The following MRTFB variants were observed in gnomAD, a reference collection of about 807,000 sequenced individuals.
MRTFB encodes the protein myocardin related transcription factor B.
Under a neutral mutation model 104.2 loss-of-function variants are expected in MRTFB, and 29 were observed. The observed-to-expected ratio is 0.28, with a 90% CI of 0.21 to 0.38. The LOEUF (loss-of-function observed/expected upper bound fraction) is 0.38. MRTFB is among the 10% of genes least tolerant of loss of function. The pLI, the probability that MRTFB is intolerant of heterozygous loss-of-function variation, is 1.00. For missense variants in MRTFB, 1,270 were observed against 1,341.6 expected (o/e 0.95, Z 0.83); for synonymous variants, 535 against 519.5 (o/e 1.03, Z -0.41).
the MRTFB span, among the ~76,000 whole-genome samples, chr16:14,048,612 A>G: frequency 1.3e-5 from 2 of 152,134 alleles, no homozygotes; most frequent in African/African-American, 4.8e-5. Flanking sequence ...TTTGGATCTT[A>G]TTCTAAGTGT....
At chr16:14,008,009 C>T in the MRTFB span, among the ~76,000 whole-genome samples, 2 of 152,122 alleles carry the variant, frequency 1.3e-5, no homozygotes, top group Non-Finnish European at 2.9e-5. Flanking sequence ...TGAAAATTTT[C>T]TCTCATTCTG....
At chr16:14,133,663 C>A (rs946565369) in intron 2 of MRTFB, among the ~76,000 whole-genome samples, 5 of 152,010 alleles carry the variant, frequency 3.3e-5, no homozygotes, top group Non-Finnish European at 7.4e-5. Context: ...AATAGGAGTA[C>A]AATATATTTT....
the MRTFB span, among the ~76,000 whole-genome samples, chr16:14,006,999 A>T: frequency 2.0e-5 from 3 of 152,128 alleles, no homozygotes; most frequent in African/African-American, 7.3e-5. Flanking sequence ...CCTGGGCAAC[A>T]GAGTGAGACC....
At chr16:14,188,916 G>A (rs899649883) in intron 3 of MRTFB, among the ~76,000 whole-genome samples, 6 of 152,082 alleles carry the variant, frequency 3.9e-5, no homozygotes, top group South Asian at 2.1e-4. Flanking sequence ...TGTTAAATTC[G>A]TTGATATAAA....
chr16:14,194,020 A>G (rs912024926), intron 3 of MRTFB, among the ~76,000 whole-genome samples: 2 of 152,212 alleles, frequency 1.3e-5, no homozygotes, highest in East Asian at 3.8e-4. Flanking sequence ...CTGTACTATC[A>G]TAACACCACT....
chr16:14,144,476 C>T (rs1026754277), intron 3 of MRTFB: 12 of 152,022 alleles, frequency 7.9e-5, no homozygotes, highest in Non-Finnish European at 1.6e-4. Flanking sequence ...TTTAAGAGAT[C>T]TATTGCAAAA....
At chr16:14,142,748 T>G (rs2038077003) in intron 3 of MRTFB, 1 of 152,174 alleles carries the variant, frequency 6.6e-6, no homozygotes, top group Non-Finnish European at 1.5e-5. Flanking sequence ...ACAATAATGG[T>G]CTTCTGTAAT....
intron 2 of MRTFB, among the ~76,000 whole-genome samples, chr16:14,106,299 G>A (rs1363922819): frequency 4.6e-5 from 7 of 152,198 alleles, no homozygotes; most frequent in Admixed American, 4.6e-4. Context: ...CTTTAAGGAT[G>A]TGTAGCAATT....
At chr16:14,033,992 G>A in the MRTFB span, among the ~76,000 whole-genome samples, 1 of 152,210 alleles carries the variant, frequency 6.6e-6, no homozygotes, top group South Asian at 2.1e-4. Flanking sequence ...TGCCCGCTGT[G>A]TGTGGCTATG....
intron 2 of MRTFB, among the ~76,000 whole-genome samples, chr16:14,123,728 T>A (rs1308996456): frequency 1.3e-5 from 2 of 152,188 alleles, no homozygotes; most frequent in East Asian, 3.9e-4. Flanking sequence ...TTCTTTTTGC[T>A]TAGGATTGTC....
the MRTFB span, among the ~76,000 whole-genome samples, chr16:14,043,305 A>C: frequency 6.6e-6 from 1 of 152,128 alleles, no homozygotes; most frequent in Non-Finnish European, 1.5e-5. Flanking sequence ...AGCATCATGC[A>C]TACATGTTAA....
chr16:14,050,139 A>G, the MRTFB span, among the ~76,000 whole-genome samples: 1 of 151,872 alleles, frequency 6.6e-6, no homozygotes, highest in South Asian at 2.1e-4. Context: ...ATAGATATGC[A>G]TATACCCAGA....
intron 3 of MRTFB, among the ~76,000 whole-genome samples, chr16:14,181,753 T>C (rs1279786122): frequency 1.3e-5 from 2 of 152,238 alleles, no homozygotes; most frequent in African/African-American, 2.4e-5. Context: ...TCAGTAGTTT[T>C]ATAAGCATAT....
chr16:14,178,593 G>A (rs1016566255), intron 3 of MRTFB, among the ~76,000 whole-genome samples: 33 of 152,284 alleles, frequency 2.2e-4, no homozygotes, highest in African/African-American at 6.7e-4. Flanking sequence ...TTAAGAGAGC[G>A]TTGTGTAAGC....
At chr16:14,215,963 C>G (rs1690479335) in intron 6 of MRTFB, among the ~76,000 whole-genome samples, 4 of 152,340 alleles carry the variant, frequency 2.6e-5, no homozygotes, top group Non-Finnish European at 1.5e-5. Flanking sequence ...CAACCTTTAT[C>G]AAATCTTTCC....
At chr16:14,086,793 A>G (rs988457709) in intron 2 of MRTFB, among the ~76,000 whole-genome samples, 2 of 152,196 alleles carry the variant, frequency 1.3e-5, no homozygotes, top group Non-Finnish European at 2.9e-5. Context: ...CAGAAGTCTT[A>G]ATTAAAATTA....
chr16:14,010,291 T>TG, the MRTFB span, among the ~76,000 whole-genome samples: 1,910 of 152,076 alleles, frequency 0.013, 47 homozygotes, highest in African/African-American at 0.044. Flanking sequence ...TTACATGGAG[T>TG]GGATCTCAGT....
chr16:14,021,440 A>G, the MRTFB span, among the ~76,000 whole-genome samples: 3 of 152,110 alleles, frequency 2.0e-5, no homozygotes, highest in East Asian at 3.9e-4. Flanking sequence ...ATATATTTCC[A>G]TAAGTTTTTG....
intron 3 of MRTFB, among the ~76,000 whole-genome samples, chr16:14,160,688 A>G (rs60390936): frequency 8.5e-4 from 106 of 124,682 alleles, no homozygotes; most frequent in Middle Eastern, 4.1e-3. Flanking sequence ...TATTCTGAGG[A>G]AAAAAAAAAG....
Sources: allele counts gnomAD v4.1 joint callset (sites outside exome capture counted in the v4.1 genomes callset), GRCh38; gene constraint gnomAD v4.1.1; transcripts MANE v1.5; gene names NCBI Gene and HGNC (gene_info 2026-07-23, HGNC 2026-07-21).